Variants in TTC6 observed in about 807,000 individuals in gnomAD.
TTC6 encodes the protein tetratricopeptide repeat protein 6.
TTC6 carries 172 observed loss-of-function variants against 210.4 expected under a neutral mutation model. That is an observed-to-expected ratio of 0.82 (90% CI 0.72 to 0.93). TTC6 has a LOEUF of 0.93. TTC6 is among the 40% of genes least tolerant of loss of function. The probability of loss-of-function intolerance (pLI) is 0.00; values close to 1 mark genes in which losing one functional copy is unlikely to be tolerated. For missense variants in TTC6, 2,414 were observed against 2,318.1 expected (o/e 1.04, Z -0.85); for synonymous variants, 804 against 819.6 (o/e 0.98, Z 0.32).
At position 37,648,989 on chromosome 14, in the gene TTC6, A is replaced by AT. The variant is rs1194639520; in HGVS notation, c.939+25986_939+25987insT. ...TCATGTTTATTTATCTACAATTTGG[A>AT]GATCCACACCTCCCCACCCCCCAGG... On this transcript the variant is annotated intron_variant, in intron 1 of 30. Coordinates refer to ENST00000553443, the Ensembl canonical transcript of TTC6. 2.0e-5 allele frequency among the ~76,000 whole-genome samples: 3 copies of AT among 152,148 alleles called. No homozygotes were observed. In the East Asian group the frequency reaches 5.8e-4, roughly 29 times the overall value.
intron 5 of TTC6, among the ~76,000 whole-genome samples, chr14:37,712,383 G>A (rs1418136992): frequency 6.6e-6 from 1 of 152,154 alleles, no homozygotes; most frequent in Non-Finnish European, 1.5e-5. Context: ...CCTGATGTCT[G>A]TATTCACTTG....
At chr14:37,719,768 T>A (rs1054973865) in intron 6 of TTC6, among the ~76,000 whole-genome samples, 4 of 152,062 alleles carry the variant, frequency 2.6e-5, no homozygotes, top group African/African-American at 9.7e-5. Context: ...ACATAGGAGA[T>A]CTTTGGGATT....
At chr14:37,834,010 A>G (rs1229568679) in intron 29 of TTC6, among the ~76,000 whole-genome samples, 1 of 152,184 alleles carries the variant, frequency 6.6e-6, no homozygotes, top group African/African-American at 2.4e-5. Context: ...CTTTGAATAT[A>G]TCATCTAATT....
At chr14:37,819,245 A>G (rs183913766) in intron 26 of TTC6, among the ~76,000 whole-genome samples, 22 of 152,280 alleles carry the variant, frequency 1.4e-4, no homozygotes, top group African/African-American at 5.1e-4. Flanking sequence ...GTGATTGGTT[A>G]TATTTATTTC....
At chr14:37,743,884 C>T (rs1379423685) in intron 10 of TTC6, among the ~76,000 whole-genome samples, 2 of 152,080 alleles carry the variant, frequency 1.3e-5, no homozygotes, top group Non-Finnish European at 2.9e-5. Flanking sequence ...AGAGTGAAGC[C>T]TCTGAGTAGG....
At chr14:37,817,792 A>T in intron 26 of TTC6, 141 bp downstream of exon 28, 2 of 776,626 alleles carry the variant, frequency 2.6e-6, no homozygotes, top group Non-Finnish European at 4.2e-6. Flanking sequence ...ATGGGGAGGG[A>T]CACAAAGAGT....
At position 37,614,106 on chromosome 14, in the gene TTC6, A is replaced by T. The variant is rs139375339; in HGVS notation, c.-155+7364A>T. Among the ~76,000 whole-genome samples, 713 of 152,050 alleles carry T rather than the reference A, an allele frequency of 4.7e-3. 12 individuals carry two copies. The highest frequency in any genetic ancestry group is 0.016 in the African/African-American group (652 of 41,486). ...ATTTAGGGTATAAGTTTCCTTCTAA[A>T]CACTGCTTCAGCTACACCCCACACA... is the stretch of plus-strand genomic sequence containing the variant. On this transcript the variant is annotated intron_variant, in intron 2 of 2. Transcript: ENST00000556845.
Position 37,666,245 on chromosome 14 carries a change from A to C in TTC6, c.940-13906A>C, listed in dbSNP as rs2095747733. The stretch of plus-strand genomic sequence containing the variant: ...CCATCAGCCTTCACCTGACTGCAAC[A>C]TTCCCCATCGATCTGCTTTATACAC... On this transcript the variant is annotated intron_variant, in intron 1 of 30. Coordinates refer to ENST00000553443, the Ensembl canonical transcript of TTC6. 2.0e-5 allele frequency among the ~76,000 whole-genome samples: 3 copies of C among 149,752 alleles called. No individual in the cohort carries two copies. In the South Asian group the frequency reaches 6.4e-4, roughly 32 times the overall value.
chr14:37,786,613 C>T (rs1009180641), intron 14 of TTC6, among the ~76,000 whole-genome samples: 1 of 152,172 alleles, frequency 6.6e-6, no homozygotes, highest in Admixed American at 6.5e-5. Flanking sequence ...GCTCACTGTC[C>T]GTGGGCTGCA....
chr14:37,803,803 A>C (rs1212767627), intron 20 of TTC6, among the ~76,000 whole-genome samples: 1 of 152,188 alleles, frequency 6.6e-6, no homozygotes, highest in Admixed American at 6.5e-5. Context: ...CACTTTTTCT[A>C]GGCAAGGTCA....
intron 7 of TTC6, among the ~76,000 whole-genome samples, chr14:37,733,208 G>A (rs1471410736): frequency 3.3e-5 from 5 of 152,098 alleles, no homozygotes; most frequent in South Asian, 2.1e-4. Flanking sequence ...CTTGACTTAC[G>A]CTTTTACTTT....
intron 26 of TTC6, among the ~76,000 whole-genome samples, chr14:37,818,963 T>C: frequency 6.6e-6 from 1 of 152,172 alleles, no homozygotes; most frequent in East Asian, 1.9e-4. Flanking sequence ...CACTCCTATG[T>C]TTAGCAACCA....
intron 14 of TTC6, among the ~76,000 whole-genome samples, chr14:37,782,150 T>C (rs1234711189): frequency 1.3e-5 from 2 of 152,104 alleles, no homozygotes; most frequent in Non-Finnish European, 1.5e-5. Context: ...GTAGTTTTTT[T>C]TAGTTCTTTG....
At chr14:37,643,154 A>G (rs920005367) in intron 1 of TTC6, among the ~76,000 whole-genome samples, 1 of 152,128 alleles carries the variant, frequency 6.6e-6, no homozygotes, top group Non-Finnish European at 1.5e-5. Context: ...CTAAAAATAC[A>G]AAAACTAGCT....
At chr14:37,839,092 T>G (rs888344261) in intron 29 of TTC6, among the ~76,000 whole-genome samples, 1 of 152,218 alleles carries the variant, frequency 6.6e-6, no homozygotes, top group African/African-American at 2.4e-5. Context: ...TTGTGAACAG[T>G]GCTGCAATAA....
rs560683279 is a variant in TTC6, at chr14:37,804,320, G to T, written c.4030-360G>T. On this transcript the variant is annotated intron_variant, in intron 20 of 30. Transcript: ENST00000553443. ...GTAGCTTCCCAGTATTCCATTCAGA[G>T]AAATTATTAGGAAATTGTCAATAAA... Among the ~76,000 whole-genome samples, 10 of 152,300 alleles carry T rather than the reference G, an allele frequency of 6.6e-5. 1 individual carries two copies. The East Asian group carries it at 1.7e-3, about 26-fold the overall frequency.
At chr14:37,769,765 A>C (rs2096011932) in intron 14 of TTC6, among the ~76,000 whole-genome samples, 2 of 151,864 alleles carry the variant, frequency 1.3e-5, no homozygotes, top group Admixed American at 1.3e-4. Flanking sequence ...TCCTGGATTC[A>C]TTAATTTTTT....
At chr14:37,619,883 C>T (rs1012738996), upstream of TTC6, among the ~76,000 whole-genome samples, 1 of 151,930 alleles carries the variant, frequency 6.6e-6, no homozygotes, top group African/African-American at 2.4e-5. Context: ...CAGAGTTTTG[C>T]ACTGGCATGA....
Position 37,721,868 on chromosome 14 carries a change from A to ATATATATATATG in TTC6, c.1714-3021_1714-3020insATGTATATATAT, listed in dbSNP as rs1178429912. On this transcript the variant is annotated intron_variant, in intron 6 of 30. Transcript: ENST00000553443. ...TCACCATATATATATATATATATAT[A>ATATATATATATG]TATATATATGTATATATACACACAC... 2.8e-5 allele frequency among the ~76,000 whole-genome samples: 4 copies of ATATATATATATG among 144,662 alleles called. No homozygotes were observed. In the South Asian group the frequency reaches 8.6e-4, roughly 31 times the overall value. The allele number at this position is 144,662 out of a possible 152,430, so 94.9% of individuals were successfully genotyped here.
Sources: allele counts gnomAD v4.1 joint callset (sites outside exome capture counted in the v4.1 genomes callset), GRCh38; gene constraint gnomAD v4.1.1; transcripts MANE v1.5; gene names NCBI Gene and HGNC (gene_info 2026-07-23, HGNC 2026-07-21).